CSNK2A2IP: variants seen among roughly 807,000 people sequenced by gnomAD.
The protein encoded by CSNK2A2IP is casein kinase II subunit alpha'-interacting protein.
chr3:88,458,141 G>GTTTTTTT, the CSNK2A2IP span, among the ~76,000 whole-genome samples: 3 of 83,302 alleles, frequency 3.6e-5, no homozygotes, highest in Non-Finnish European at 6.7e-5. Context: ...TGTAATTGTG[G>GTTTTTTT]TTTTTTTTTT....
At chr3:88,391,302 T>C in the CSNK2A2IP span, among the ~76,000 whole-genome samples, 1 of 152,216 alleles carries the variant, frequency 6.6e-6, no homozygotes, top group Non-Finnish European at 1.5e-5. Flanking sequence ...CACTGTTGAA[T>C]TATACTGTTT....
the CSNK2A2IP span, among the ~76,000 whole-genome samples, chr3:88,413,259 C>A: frequency 1.3e-5 from 2 of 151,870 alleles, no homozygotes; most frequent in African/African-American, 4.9e-5. Flanking sequence ...ATCTGGAAAG[C>A]AGGATGGTGT....
chr3:88,417,967 G>T, the CSNK2A2IP span, among the ~76,000 whole-genome samples: 1 of 152,076 alleles, frequency 6.6e-6, no homozygotes, highest in African/African-American at 2.4e-5. Context: ...AAAGAAATCT[G>T]CTTTGAAAAA....
chr3:88,366,602 A>G, the CSNK2A2IP span, among the ~76,000 whole-genome samples: 1 of 152,106 alleles, frequency 6.6e-6, no homozygotes, highest in South Asian at 2.1e-4. Context: ...GGATAACTTT[A>G]ATTGGAGTGT....
the CSNK2A2IP span, among the ~76,000 whole-genome samples, chr3:88,402,939 T>C: frequency 1.3e-5 from 2 of 152,024 alleles, no homozygotes; most frequent in Non-Finnish European, 2.9e-5. Context: ...GTACAAGGTG[T>C]TTGTGAGATT....
chr3:88,425,733 T>C, the CSNK2A2IP span, among the ~76,000 whole-genome samples: 2 of 152,202 alleles, frequency 1.3e-5, no homozygotes, highest in Admixed American at 6.5e-5. Context: ...CTTTTAGTTA[T>C]ACAAAAATAT....
the CSNK2A2IP span, among the ~76,000 whole-genome samples, chr3:88,375,655 C>T: frequency 4.0e-5 from 6 of 151,672 alleles, no homozygotes; most frequent in African/African-American, 1.5e-4. Context: ...CAAACTACAG[C>T]AAACAGTGGG....
chr3:88,426,902 T>A, the CSNK2A2IP span, among the ~76,000 whole-genome samples: 1 of 117,140 alleles, frequency 8.5e-6, no homozygotes. Flanking sequence ...GGGGGGGCGG[T>A]GGGGTGTGCT....
chr3:88,405,145 G>A, the CSNK2A2IP span, among the ~76,000 whole-genome samples: 1 of 152,078 alleles, frequency 6.6e-6, no homozygotes, highest in Non-Finnish European at 1.5e-5. Flanking sequence ...TGCCCATGCT[G>A]TATTTGGAGT....
chr3:88,415,909 T>C, the CSNK2A2IP span, among the ~76,000 whole-genome samples: 4 of 152,006 alleles, frequency 2.6e-5, no homozygotes, highest in African/African-American at 7.3e-5. Flanking sequence ...TGTCCTAAAG[T>C]GAATCTTTGT....
the CSNK2A2IP span, among the ~76,000 whole-genome samples, chr3:88,451,651 T>C: frequency 6.6e-6 from 1 of 151,718 alleles, no homozygotes; most frequent in Non-Finnish European, 1.5e-5. Context: ...TCATTGGTTC[T>C]TCTCCCTCTC....
At chr3:88,385,786 G>T in the CSNK2A2IP span, among the ~76,000 whole-genome samples, 1 of 152,106 alleles carries the variant, frequency 6.6e-6, no homozygotes, top group Non-Finnish European at 1.5e-5. Flanking sequence ...CATTCTAGCA[G>T]GAAAAATACA....
the CSNK2A2IP span, among the ~76,000 whole-genome samples, chr3:88,358,343 A>G: frequency 3.3e-5 from 5 of 152,124 alleles, no homozygotes; most frequent in African/African-American, 1.2e-4. Context: ...TTATCTAATT[A>G]CTTCGGCTAA....
chr3:88,397,656 T>C, the CSNK2A2IP span, among the ~76,000 whole-genome samples: 1 of 152,092 alleles, frequency 6.6e-6, no homozygotes, highest in Non-Finnish European at 1.5e-5. Context: ...GGGTGATGTG[T>C]TATAGTATTT....
the CSNK2A2IP span, among the ~76,000 whole-genome samples, chr3:88,365,729 T>C: frequency 1.3e-5 from 2 of 152,130 alleles, no homozygotes; most frequent in Admixed American, 6.6e-5. Context: ...CAATACCTTC[T>C]AGGTATAGGG....
At chr3:88,354,042 C>T in the CSNK2A2IP span, among the ~76,000 whole-genome samples, 1 of 152,108 alleles carries the variant, frequency 6.6e-6, no homozygotes, top group Non-Finnish European at 1.5e-5. Flanking sequence ...TTAAAGAGGC[C>T]TGACACCTCT....
At chr3:88,392,893 T>A in the CSNK2A2IP span, among the ~76,000 whole-genome samples, 2 of 152,100 alleles carry the variant, frequency 1.3e-5, no homozygotes, top group East Asian at 3.9e-4. Context: ...GCAGGTGGGA[T>A]GGAGGTTAAA....
chr3:88,371,946 G>C, the CSNK2A2IP span, among the ~76,000 whole-genome samples: 6 of 151,538 alleles, frequency 4.0e-5, no homozygotes, highest in Admixed American at 4.0e-4. Flanking sequence ...GATTAACTGA[G>C]ATTTCTATAC....
chr3:88,383,651 C>CTTTTTT, the CSNK2A2IP span, among the ~76,000 whole-genome samples: 1 of 88,538 alleles, frequency 1.1e-5, no homozygotes, highest in African/African-American at 4.6e-5. Context: ...TCTTTTCTTT[C>CTTTTTT]TTTTTTTTTT....
Sources: allele counts gnomAD v4.1 joint callset (sites outside exome capture counted in the v4.1 genomes callset), GRCh38; gene constraint gnomAD v4.1.1; transcripts MANE v1.5; gene names NCBI Gene and HGNC (gene_info 2026-07-23, HGNC 2026-07-21).